CLYBL: variants seen among roughly 807,000 people sequenced by gnomAD.
CLYBL encodes the protein citramalyl-CoA lyase, mitochondrial.
Under a neutral mutation model 38.9 loss-of-function variants are expected in CLYBL, and 31 were observed. The ratio of observed to expected loss-of-function variants is 0.80; its 90% CI spans 0.60 to 1.08. The LOEUF is 1.08. CLYBL is among the 50% of genes least tolerant of loss of function. The probability of loss-of-function intolerance (pLI) is 0.00; values close to 1 mark genes in which losing one functional copy is unlikely to be tolerated. For missense variants in CLYBL, 434 were observed against 411.6 expected (o/e 1.05, Z -0.47); for synonymous variants, 171 against 158.6 (o/e 1.08, Z -0.59).
At chr13:99,632,615 G>A (rs2046961251) in intron 1 of CLYBL, among the ~76,000 whole-genome samples, 1 of 151,990 alleles carries the variant, frequency 6.6e-6, no homozygotes. Flanking sequence ...TGTGCTGGTG[G>A]GCACCTGTAG....
chr13:99,846,555 A>G (rs1188989655), intron 2 of CLYBL, among the ~76,000 whole-genome samples: 1 of 152,208 alleles, frequency 6.6e-6, no homozygotes, highest in Non-Finnish European at 1.5e-5. Flanking sequence ...TCTGCCAGGA[A>G]GACTAATTAA....
At chr13:99,784,447 CTCTTT>C (rs370269838) in intron 2 of CLYBL, among the ~76,000 whole-genome samples, 18,826 of 96,900 alleles carry the variant, frequency 0.19, 580 homozygotes, top group Middle Eastern at 0.26. Context: ...GGAAAATTCT[CTCTTT>C]TTTTTTTTTT....
chr13:99,820,080 C>T (rs932274303), intron 2 of CLYBL, among the ~76,000 whole-genome samples: 7 of 152,302 alleles, frequency 4.6e-5, no homozygotes, highest in East Asian at 1.9e-4. Context: ...CCCCAAGTGT[C>T]GGGCCCTCTC....
intron 1 of CLYBL, among the ~76,000 whole-genome samples, chr13:99,659,158 CAGAG>C (rs537262486): frequency 8.6e-5 from 13 of 152,034 alleles, no homozygotes; most frequent in South Asian, 2.1e-4. Context: ...TAATTTCTGA[CAGAG>C]AGGGGATTAG....
intron 1 of CLYBL, among the ~76,000 whole-genome samples, chr13:99,752,563 GCCAGGGCAGT>G (rs1315547214): frequency 2.6e-5 from 4 of 152,052 alleles, no homozygotes; most frequent in African/African-American, 9.7e-5. Context: ...CCCAGCCCAG[GCCAGGGCAGT>G]CTGGCCAGGG....
chr13:99,836,897 G>GT, intron 2 of CLYBL, among the ~76,000 whole-genome samples: 1 of 152,160 alleles, frequency 6.6e-6, no homozygotes, highest in East Asian at 1.9e-4. Flanking sequence ...TTGTGGGGTG[G>GT]GGGAAGGGGG....
intron 1 of CLYBL, among the ~76,000 whole-genome samples, chr13:99,609,464 C>T (rs1057482939): frequency 2.6e-5 from 4 of 152,160 alleles, no homozygotes; most frequent in East Asian, 1.9e-4. Flanking sequence ...TGTGAGCCAC[C>T]GTGCCCAGCC....
chr13:99,761,618 CAGTGAACATAGG>C (rs1253825185), intron 1 of CLYBL, among the ~76,000 whole-genome samples: 1 of 152,224 alleles, frequency 6.6e-6, no homozygotes, highest in Non-Finnish European at 1.5e-5. Context: ...AATAGGGTAG[CAGTGAACATAGG>C]AGTGAACATA....
chr13:99,697,800 C>G (rs1566613090), intron 1 of CLYBL, among the ~76,000 whole-genome samples: 1 of 151,564 alleles, frequency 6.6e-6, no homozygotes, highest in Non-Finnish European at 1.5e-5. Context: ...GCACCCGCCA[C>G]CACACCCAGC....
chr13:99,631,402 T>C (rs1161595242), intron 1 of CLYBL, among the ~76,000 whole-genome samples: 1 of 151,732 alleles, frequency 6.6e-6, no homozygotes, highest in Non-Finnish European at 1.5e-5. Flanking sequence ...AAATATATAA[T>C]ATATACATAT....
chr13:99,661,363 A>G (rs2047406440), intron 1 of CLYBL, among the ~76,000 whole-genome samples: 1 of 152,188 alleles, frequency 6.6e-6, no homozygotes, highest in Admixed American at 6.5e-5. Context: ...GTACAATCAA[A>G]CAGCTTCTTT....
intron 2 of CLYBL, among the ~76,000 whole-genome samples, chr13:99,799,390 C>CACACACACACACACACACACAT (rs2050086267): frequency 1.3e-5 from 2 of 151,408 alleles, no homozygotes; most frequent in African/African-American, 4.9e-5. Context: ...CACACACACA[C>CACACACACACACACACACACAT]ACATACACAC....
chr13:99,722,156 C>T (rs890905739), intron 1 of CLYBL, among the ~76,000 whole-genome samples: 1 of 152,200 alleles, frequency 6.6e-6, no homozygotes. Flanking sequence ...ATGGTTCTTC[C>T]AGTTCCCTTT....
chr13:99,875,513 A>T (rs1462949201), intron 7 of CLYBL, among the ~76,000 whole-genome samples: 1 of 152,204 alleles, frequency 6.6e-6, no homozygotes, highest in Non-Finnish European at 1.5e-5. Context: ...TACAAAAGAA[A>T]TATTGCTTGG....
At chr13:99,745,630 T>C (rs1305444581) in intron 1 of CLYBL, among the ~76,000 whole-genome samples, 4 of 152,208 alleles carry the variant, frequency 2.6e-5, no homozygotes, top group Non-Finnish European at 5.9e-5. Flanking sequence ...TAGTTTTAAT[T>C]TGCATCACAC....
rs553781715 is a variant in CLYBL, at chr13:99,717,480, G to A, written c.63-55344G>A. On this transcript the variant is annotated intron_variant, in intron 1 of 8. Transcript: ENST00000339105. ...AAAGAATTATTTTTTATTTTTTTGA[G>A]GCAGGGTCTCGGTCTGTTGCCTAGG... Among the ~76,000 whole-genome samples the A allele has an allele frequency of 1.0e-4, 15 of 148,782 alleles. No homozygotes were observed. In the South Asian group the frequency reaches 3.2e-3, roughly 32 times the overall value.
At position 99,869,399 on chromosome 13, in the gene CLYBL, A is replaced by G. The variant is rs1352973708; in HGVS notation, c.803-1539A>G. Among the ~76,000 whole-genome samples, 1 of 152,174 alleles carries G rather than the reference A, an allele frequency of 6.6e-6. No individual in the cohort carries two copies. Among genetic ancestry groups the G allele is most frequent in the Non-Finnish European group, 1.5e-5 (1 of 68,004 alleles). On this transcript the variant is annotated intron_variant, in intron 6 of 8. Transcript: ENST00000339105. The surrounding 1 kb of genome is among the most constrained non-coding windows in gnomAD (Gnocchi z 4.3). ...CTACCAGAACTGACATCCTTTATTAACAATATCCCGACAACTATTAAATTA... is the reference window on the plus strand; with the variant it reads ...CTACCAGAACTGACATCCTTTATTAGCAATATCCCGACAACTATTAAATTA...
chr13:99,788,447 A>C (rs1470488969), intron 2 of CLYBL, among the ~76,000 whole-genome samples: 1 of 152,150 alleles, frequency 6.6e-6, no homozygotes, highest in African/African-American at 2.4e-5. Context: ...TTCTGCATCT[A>C]TTGAGATAAT....
chr13:99,628,931 TG>T (rs1265049259), intron 1 of CLYBL, among the ~76,000 whole-genome samples: 19 of 152,186 alleles, frequency 1.2e-4, no homozygotes, highest in African/African-American at 4.6e-4. Flanking sequence ...AAATTGTAAA[TG>T]TTTGTGTTAG....
Sources: gnomAD v4.1 joint callset for allele counts (sites outside exome capture counted in the v4.1 genomes callset) on GRCh38, gnomAD v4.1.1 for gene constraint, Gnocchi (gnomAD v3.1) non-coding constraint, MANE v1.5 for transcripts, NCBI Gene and HGNC (gene_info 2026-07-23, HGNC 2026-07-21) for gene names.